GPHN: variants seen among roughly 807,000 people sequenced by gnomAD.
GPHN encodes the protein gephyrin.
GPHN carries 17 observed loss-of-function variants against 95.5 expected under a neutral mutation model. The observed-to-expected ratio is 0.18, with a 90% CI of 0.12 to 0.27. GPHN has a LOEUF of 0.27. Ranked by LOEUF, GPHN falls within the 10% of genes least tolerant of loss-of-function variation. The pLI is 1.00. For synonymous variants in GPHN, 320 were observed against 322.5 expected (o/e 0.99, Z 0.08); for missense variants, 660 against 978.1 (o/e 0.67, Z 4.34).
chr14:66,592,349 C>A (rs11123474), intron 1 of GPHN, among the ~76,000 whole-genome samples: 1 of 151,962 alleles, frequency 6.6e-6, no homozygotes, highest in Non-Finnish European at 1.5e-5. Flanking sequence ...AAGAAACTAT[C>A]ATCACAGTGA....
chr14:67,087,390 A>G (rs2153667219), intron 11 of GPHN, among the ~76,000 whole-genome samples: 1 of 152,268 alleles, frequency 6.6e-6, no homozygotes. Context: ...CACTGGGCCC[A>G]CTGCTAGGGA....
At chr14:67,709,358 T>A in the GPHN span, among the ~76,000 whole-genome samples, 2 of 152,236 alleles carry the variant, frequency 1.3e-5, no homozygotes, top group African/African-American at 4.8e-5. Context: ...ATTAAATTCA[T>A]TTTTCAAAAT....
At chr14:67,695,604 A>G in the GPHN span, 6 of 1,601,452 alleles carry the variant, frequency 3.7e-6, no homozygotes, top group Non-Finnish European at 5.1e-6. Context: ...AGAATTCTCA[A>G]GAGAAGGCAA....
chr14:67,198,734 C>T, the GPHN span, among the ~76,000 whole-genome samples: 1 of 152,154 alleles, frequency 6.6e-6, no homozygotes, highest in Non-Finnish European at 1.5e-5. Flanking sequence ...CAGATGGTGT[C>T]GGGGAGAAAA....
chr14:66,941,945 C>CA (rs2067453635), intron 8 of GPHN, among the ~76,000 whole-genome samples: 1 of 152,064 alleles, frequency 6.6e-6, no homozygotes, highest in African/African-American at 2.4e-5. Flanking sequence ...AGCAATATTC[C>CA]AAAAAACTCA....
chr14:66,663,070 A>T (rs1274971284), intron 1 of GPHN, among the ~76,000 whole-genome samples: 5 of 152,244 alleles, frequency 3.3e-5, no homozygotes, highest in South Asian at 2.1e-4. Flanking sequence ...ATCTTCCATG[A>T]GGACTTCCCC....
chr14:67,658,317 A>T, the GPHN span, among the ~76,000 whole-genome samples: 500 of 152,234 alleles, frequency 3.3e-3, 3 homozygotes, highest in African/African-American at 0.012. Flanking sequence ...GAAACTCGCC[A>T]GGCGTGGTGG....
the GPHN span, among the ~76,000 whole-genome samples, chr14:67,608,271 A>G: frequency 5.5e-4 from 84 of 152,260 alleles, no homozygotes; most frequent in African/African-American, 1.9e-3. Context: ...TAATGTCTGT[A>G]CTGAACTCGC....
At chr14:66,654,673 C>A (rs2065218027) in intron 1 of GPHN, among the ~76,000 whole-genome samples, 3 of 152,124 alleles carry the variant, frequency 2.0e-5, no homozygotes, top group African/African-American at 7.2e-5. Context: ...TACAGTTTAT[C>A]TATACTTCCT....
At chr14:66,923,504 A>G (rs2066325646) in intron 7 of GPHN, among the ~76,000 whole-genome samples, 2 of 152,184 alleles carry the variant, frequency 1.3e-5, no homozygotes, top group African/African-American at 4.8e-5. Flanking sequence ...AAGAAATATT[A>G]TTAGGACAAT....
chr14:67,032,847 C>T (rs2074253702), intron 10 of GPHN, among the ~76,000 whole-genome samples: 1 of 151,944 alleles, frequency 6.6e-6, no homozygotes, highest in South Asian at 2.1e-4. Context: ...TAAAACTCAG[C>T]AAAAAATCAC....
chr14:67,575,994 A>C, the GPHN span: 3 of 1,611,262 alleles, frequency 1.9e-6, no homozygotes, highest in Non-Finnish European at 2.5e-6. Context: ...CATTGGCACC[A>C]AGCATGAAAA....
Position 67,086,055 on chromosome 14 carries a change from G to A in GPHN, c.1145-2928G>A, listed in dbSNP as rs993179418. ...AGTCAGAATTTCCTTCCTTTTTAAG[G>A]CTAAATAATATTTCTGTATGTATAT... On this transcript the variant is annotated intron_variant, in intron 11 of 22. Transcript: ENST00000478722. Among the ~76,000 whole-genome samples, 4 of 152,178 alleles carry A rather than the reference G, an allele frequency of 2.6e-5. No homozygotes were observed. The South Asian group carries it at 8.3e-4, about 32-fold the overall frequency.
At chr14:67,277,059 G>GC in the GPHN span, among the ~76,000 whole-genome samples, 1 of 152,162 alleles carries the variant, frequency 6.6e-6, no homozygotes, top group East Asian at 1.9e-4. Context: ...TTAAAACTAA[G>GC]CATAGCACTG....
At chr14:66,930,171 T>G (rs1013709826) in intron 8 of GPHN, among the ~76,000 whole-genome samples, 1 of 152,222 alleles carries the variant, frequency 6.6e-6, no homozygotes, top group Non-Finnish European at 1.5e-5. Flanking sequence ...CTATTGCCAT[T>G]TTATTATTTG....
chr14:66,697,663 CT>C lies in GPHN; in HGVS notation c.143+16490del, dbSNP rs762556511. Among the ~76,000 whole-genome samples, 130 of 136,252 alleles carry C rather than the reference CT, an allele frequency of 9.5e-4. 2 individuals carry two copies. The Middle Eastern group carries it at 0.015, about 15-fold the overall frequency. 89.4% of individuals were successfully genotyped at this position (136,252 alleles called of 152,430 possible). A position where few individuals can be genotyped will look rare whatever the true frequency, so the allele number is the denominator to read the frequency against. Reference sequence around the variant, plus strand: ...AGGTCAAATCTGGCCTGCTACTTGCCTTTTTTTTTTTTCTTTTTTCTTTTTT... The same window carrying C: ...AGGTCAAATCTGGCCTGCTACTTGCCTTTTTTTTTTTCTTTTTTCTTTTTT... On this transcript the variant is annotated intron_variant, in intron 2 of 22. Coordinates refer to ENST00000478722, the MANE Select transcript of GPHN (RefSeq NM_020806.5).
chr14:67,692,096 C>G, the GPHN span: 1 of 195,354 alleles, frequency 5.1e-6, no homozygotes, highest in Non-Finnish European at 1.0e-5. Flanking sequence ...ACCTCAAATA[C>G]AGCTCCAGCT....
the GPHN span, among the ~76,000 whole-genome samples, chr14:67,381,005 A>C: frequency 6.6e-6 from 1 of 152,100 alleles, no homozygotes; most frequent in African/African-American, 2.4e-5. Context: ...CTTTTTTTAA[A>C]AAGAGGGGTT....
the GPHN span, among the ~76,000 whole-genome samples, chr14:67,419,520 A>G: frequency 6.6e-6 from 1 of 152,216 alleles, no homozygotes; most frequent in African/African-American, 2.4e-5. Flanking sequence ...GCATGCCTCC[A>G]CGCAGGGCTG....
Sources: gnomAD v4.1 joint callset for allele counts (sites outside exome capture counted in the v4.1 genomes callset) on GRCh38, gnomAD v4.1.1 for gene constraint, MANE v1.5 for transcripts, NCBI Gene and HGNC (gene_info 2026-07-23, HGNC 2026-07-21) for gene names.